The following CLEC4A variants were observed in gnomAD, a reference collection of about 807,000 sequenced individuals.
The protein encoded by CLEC4A is C-type (calcium dependent, carbohydrate-recognition domain) lectin, superfamily member 6.
CLEC4A carries 27 observed loss-of-function variants against 32.7 expected under a neutral mutation model. The observed-to-expected ratio is 0.83, with a 90% confidence interval of 0.61 to 1.14. The LOEUF (loss-of-function observed/expected upper bound fraction) is 1.14. Ranked by LOEUF, CLEC4A falls within the 50% of genes most tolerant of loss-of-function variation. The pLI is 0.00. For synonymous variants in CLEC4A, 89 were observed against 93.7 expected, an observed-to-expected ratio of 0.95 and a Z score of 0.29; for missense variants, 253 against 274.6, an observed-to-expected ratio of 0.92 and a Z score of 0.55.
intron 2 of CLEC4A, among the ~76,000 whole-genome samples, chr12:8,126,426 C>G (rs1947903563): frequency 7.3e-6 from 1 of 136,112 alleles, no homozygotes; most frequent in East Asian, 2.1e-4. Flanking sequence ...TCTCATGTTT[C>G]CTGGCCTTGT....
intron 3 of CLEC4A, among the ~76,000 whole-genome samples, chr12:8,135,037 A>ATTTTTTTTTTTTTTTTT (rs1948086052): frequency 9.7e-5 from 1 of 10,276 alleles, no homozygotes; most frequent in Non-Finnish European, 2.5e-4. Context: ...AATTCTAACA[A>ATTTTTTTTTTTTTTTTT]TTTTATTATC....
intron 4 of CLEC4A, among the ~76,000 whole-genome samples, chr12:8,136,486 G>A (rs1948117951): frequency 6.7e-6 from 1 of 149,004 alleles, no homozygotes; most frequent in Non-Finnish European, 1.5e-5. Flanking sequence ...AATCGCTTAA[G>A]CCTGGGAGGC....
chr12:8,132,789 G>A (rs748900844), intron 3 of CLEC4A, among the ~76,000 whole-genome samples: 1 of 152,146 alleles, frequency 6.6e-6, no homozygotes, highest in African/African-American at 2.4e-5. Flanking sequence ...TATCAGTTTT[G>A]CTTTATACAT....
chr12:8,134,982 T>C, intron 3 of CLEC4A: 2 of 292,264 alleles, frequency 6.8e-6, no homozygotes, highest in Non-Finnish European at 1.1e-5. Flanking sequence ...CGTTTTTGTT[T>C]TTTGTTTTTT....
At chr12:8,130,311 GTGA>G (rs1384965875) in intron 3 of CLEC4A, among the ~76,000 whole-genome samples, 6 of 152,046 alleles carry the variant, frequency 3.9e-5, no homozygotes, top group Non-Finnish European at 7.4e-5. Context: ...TGATGAAAAT[GTGA>G]TGATGATTTT....
intron 2 of CLEC4A, among the ~76,000 whole-genome samples, chr12:8,127,166 C>T (rs779505551): frequency 1.2e-4 from 18 of 152,266 alleles, no homozygotes; most frequent in Middle Eastern, 3.4e-3. Flanking sequence ...GGGTACTGGC[C>T]ACAGGCAACT....
intron 5 of CLEC4A, 63 bp from the exon 6 acceptor site, chr12:8,138,075 CCT>C: frequency 4.5e-6 from 7 of 1,540,052 alleles, no homozygotes; most frequent in Non-Finnish European, 5.3e-6. Context: ...GCTCCTCACC[CCT>C]GTCTCTAACC....
the CLEC4A span, among the ~76,000 whole-genome samples, chr12:8,105,533 GT>G: frequency 5.1e-4 from 77 of 152,062 alleles, 1 homozygote; most frequent in Admixed American, 6.6e-5. Context: ...TGTATTTTTA[GT>G]AGAGACGGGG....
At chr12:8,120,927 A>G (rs910197498), upstream of CLEC4A, 2 of 152,236 alleles carry the variant, frequency 1.3e-5, no homozygotes, top group African/African-American at 4.8e-5. Flanking sequence ...GGTAACTTGC[A>G]TTGGCCAACA....
intron 1 of CLEC4A, among the ~76,000 whole-genome samples, chr12:8,124,336 G>A (rs748057148): frequency 1.4e-4 from 22 of 152,270 alleles, no homozygotes; most frequent in Admixed American, 8.5e-4. Context: ...AGGGGGTCCT[G>A]ATGAATTTGT....
intron 3 of CLEC4A, chr12:8,134,122 G>A: frequency 6.2e-7 from 1 of 1,600,106 alleles, no homozygotes; most frequent in Non-Finnish European, 8.5e-7. Flanking sequence ...AATTCTCCAG[G>A]TTGCCTCTCA....
At chr12:8,129,398 TG>T in intron 3 of CLEC4A, 36 bp downstream of exon 3, 2 of 1,317,786 alleles carry the variant, frequency 1.5e-6, no homozygotes, top group Non-Finnish European at 2.2e-6. Flanking sequence ...AGTTGCTGAA[TG>T]TACTATGTAA....
chr12:8,111,178 CTTTTTTTTT>C, the CLEC4A span, among the ~76,000 whole-genome samples: 66 of 100,306 alleles, frequency 6.6e-4, no homozygotes, highest in African/African-American at 2.5e-3. Flanking sequence ...GGCCCAACAT[CTTTTTTTTT>C]TTTTTTTTTT....
intron 3 of CLEC4A, among the ~76,000 whole-genome samples, chr12:8,131,676 G>A (rs1947998217): frequency 1.3e-5 from 2 of 152,106 alleles, no homozygotes; most frequent in Admixed American, 1.3e-4. Flanking sequence ...CTGTGGCCTA[G>A]ATAAGTTGAC....
intron 1 of CLEC4A, 110 bp from the exon 2 acceptor site, chr12:8,125,451 C>T: frequency 3.0e-6 from 2 of 659,532 alleles, no homozygotes; most frequent in South Asian, 3.7e-5. Flanking sequence ...AAATGTCATA[C>T]CGTTAGTAAC....
At chr12:8,136,435 C>G (rs1028719055) in intron 4 of CLEC4A, among the ~76,000 whole-genome samples, 6 of 152,008 alleles carry the variant, frequency 3.9e-5, no homozygotes, top group Admixed American at 2.6e-4. Flanking sequence ...CATGGTGGCA[C>G]ACACCTGTAG....
At chr12:8,107,867 T>C in the CLEC4A span, among the ~76,000 whole-genome samples, 1 of 152,028 alleles carries the variant, frequency 6.6e-6, no homozygotes, top group African/African-American at 2.4e-5. Flanking sequence ...TTTGTATGGC[T>C]TTTTGCTACT....
At chr12:8,135,851 C>A in intron 4 of CLEC4A, 115 bp downstream of exon 4, 1 of 1,050,610 alleles carries the variant, frequency 9.5e-7, no homozygotes, top group Non-Finnish European at 1.3e-6. Flanking sequence ...AGAAGGCTTT[C>A]AATAAAATAG....
At chr12:8,110,700 A>T in the CLEC4A span, among the ~76,000 whole-genome samples, 1 of 152,174 alleles carries the variant, frequency 6.6e-6, no homozygotes, top group African/African-American at 2.4e-5. Context: ...TTAAATTAGG[A>T]ATCATGTCCC....
Sources: gnomAD v4.1 joint callset for allele counts (sites outside exome capture counted in the v4.1 genomes callset) on GRCh38, gnomAD v4.1.1 for gene constraint, MANE v1.5 for transcripts, NCBI Gene and HGNC (gene_info 2026-07-23, HGNC 2026-07-21) for gene names.